CDKN2B-AS1: variants seen among roughly 807,000 people sequenced by gnomAD.
CDKN2B-AS1 encodes CDKN2B antisense RNA 1 (non-protein coding).
intron 4 of CDKN2B-AS1, among the ~76,000 whole-genome samples, chr9:22,104,533 C>G (rs1317946972): frequency 6.6e-6 from 1 of 152,114 alleles, no homozygotes; most frequent in African/African-American, 2.4e-5. Context: ...AGCATGCAGC[C>G]AGCCACTAAG....
intron 1 of CDKN2B-AS1, chr9:22,032,846 C>G (rs1337487527): frequency 6.6e-6 from 1 of 151,592 alleles, no homozygotes; most frequent in Non-Finnish European, 1.5e-5. Context: ...AACCCCTAGG[C>G]CACAGACTGT....
At chr9:22,083,947 T>C (rs1433077590) in intron 4 of CDKN2B-AS1, among the ~76,000 whole-genome samples, 2 of 152,216 alleles carry the variant, frequency 1.3e-5, no homozygotes, top group African/African-American at 4.8e-5. Context: ...CAGTTTTCCC[T>C]CAATAATTAA....
At chr9:22,054,276 A>G (rs781249765) in intron 3 of CDKN2B-AS1, among the ~76,000 whole-genome samples, 2 of 152,232 alleles carry the variant, frequency 1.3e-5, no homozygotes, top group Non-Finnish European at 2.9e-5. Context: ...GAATCTCTGC[A>G]GTTTGACGCC....
In CDKN2B-AS1 at chr9:22,094,605, C is replaced by T. The variant is rs1045634705; in HGVS notation, n.439-32498C>T. ...TACCCTTTCTTCCAGTTGATCGAAT[C>T]GGCTACTGAGGCTTGTGCATTCGTC... is the stretch of plus-strand genomic sequence containing the variant. On this transcript the variant is annotated intron_variant and non_coding_transcript_variant, in intron 4 of 4. Coordinates refer to ENST00000650946, the Ensembl canonical transcript of CDKN2B-AS1. Among the ~76,000 whole-genome samples, 7 of 144,474 alleles carry T rather than the reference C, an allele frequency of 4.8e-5. 1 individual carries two copies. Among genetic ancestry groups the T allele is most frequent in the African/African-American group, 8.6e-5 (3 of 34,702 alleles). The allele number at this position is 144,474 out of a possible 152,430, so 94.8% of individuals were successfully genotyped here. A position where few individuals can be genotyped will look rare whatever the true frequency, so the allele number is the denominator to read the frequency against.
In CDKN2B-AS1 at chr9:21,995,939, G is replaced by A. The variant is rs1385519601; in HGVS notation, n.29+778G>A. 6.5e-6 allele frequency: 1 copy of A among 152,732 alleles called. No individual in the cohort carries two copies. The highest frequency in any genetic ancestry group is 1.5e-5 in the Non-Finnish European group (1 of 68,446). 9.5% of individuals were successfully genotyped at this position (152,732 alleles called of 1,614,324 possible). On this transcript the variant is annotated intron_variant and non_coding_transcript_variant, in intron 1 of 4. Transcript: ENST00000650946. The surrounding 1 kb of genome is among the most constrained non-coding windows in gnomAD (Gnocchi z 5.7). ...CTGAGTGGGTGGGTGTGTGCCAGAG[G>A]ATTCGGGACTAGGCCCAGCTCCGGG...
At chr9:22,121,717 T>C (rs1291655619) in intron 4 of CDKN2B-AS1, among the ~76,000 whole-genome samples, 5 of 152,070 alleles carry the variant, frequency 3.3e-5, no homozygotes, top group Non-Finnish European at 7.4e-5. Flanking sequence ...AGAGCATCCA[T>C]CCAGGATTTT....
intron 4 of CDKN2B-AS1, among the ~76,000 whole-genome samples, chr9:22,088,253 G>A (rs1044905460): frequency 3.9e-5 from 6 of 152,136 alleles, no homozygotes; most frequent in South Asian, 2.1e-4. Flanking sequence ...ATGAAAGGTC[G>A]TAAGAAGCGA....
intron 1 of CDKN2B-AS1, among the ~76,000 whole-genome samples, chr9:22,034,806 G>T (rs1181624112): frequency 6.6e-6 from 1 of 152,052 alleles, no homozygotes; most frequent in Non-Finnish European, 1.5e-5. Flanking sequence ...CATGAATGAA[G>T]GAGTATCTAT....
chr9:22,021,973 A>G (rs1341289462), intron 1 of CDKN2B-AS1, among the ~76,000 whole-genome samples: 1 of 152,106 alleles, frequency 6.6e-6, no homozygotes, highest in Non-Finnish European at 1.5e-5. Context: ...TTTTGAGTGA[A>G]TTTCTTAGTA....
intron 4 of CDKN2B-AS1, among the ~76,000 whole-genome samples, chr9:22,123,021 C>A (rs560329655): frequency 1.3e-5 from 2 of 151,878 alleles, no homozygotes; most frequent in Non-Finnish European, 2.9e-5. Context: ...TGTCCTTTTC[C>A]ATTTCTTTCA....
chr9:22,029,692 A>G, intron 1 of CDKN2B-AS1: 1 of 451,676 alleles, frequency 2.2e-6, no homozygotes, highest in Non-Finnish European at 3.9e-6. Context: ...TTACATTATT[A>G]GAAAATATTT....
At chr9:22,055,402 C>A (rs1199988919) in intron 3 of CDKN2B-AS1, among the ~76,000 whole-genome samples, 1 of 152,036 alleles carries the variant, frequency 6.6e-6, no homozygotes, top group Non-Finnish European at 1.5e-5. Context: ...TTGTTTTATC[C>A]TTTGGGCTTT....
At chr9:22,020,494 G>A (rs490005) in intron 1 of CDKN2B-AS1, among the ~76,000 whole-genome samples, 62,561 of 151,992 alleles carry the variant, frequency 0.41, 13,717 homozygotes, top group Non-Finnish European at 0.5. Flanking sequence ...ACTCCCACCA[G>A]CAGAGTCTAA....
intron 4 of CDKN2B-AS1, among the ~76,000 whole-genome samples, chr9:22,094,764 T>C (rs1825217170): frequency 6.9e-6 from 1 of 144,050 alleles, no homozygotes; most frequent in Non-Finnish European, 1.5e-5. Flanking sequence ...TCGAACTTCC[T>C]CCTTTAGCTT....
chr9:22,084,971 C>T (rs1264428782), intron 4 of CDKN2B-AS1, among the ~76,000 whole-genome samples: 1 of 152,106 alleles, frequency 6.6e-6, no homozygotes, highest in Non-Finnish European at 1.5e-5. Flanking sequence ...AACACGAACA[C>T]CCAGACGACA....
chr9:22,101,824 G>T (rs373102261), intron 4 of CDKN2B-AS1, among the ~76,000 whole-genome samples: 5 of 152,156 alleles, frequency 3.3e-5, no homozygotes, highest in African/African-American at 1.2e-4. Context: ...ATTTATCTCT[G>T]ACTATACCAA....
upstream of CDKN2B-AS1, chr9:21,994,807 T>C (rs1820566316): frequency 1.2e-5 from 2 of 166,700 alleles, no homozygotes; most frequent in South Asian, 1.9e-4. Flanking sequence ...ATCCGTCACC[T>C]GACACGGCCC....
intron 1 of CDKN2B-AS1, among the ~76,000 whole-genome samples, chr9:22,020,461 C>T (rs1821968713): frequency 1.3e-5 from 2 of 152,186 alleles, no homozygotes; most frequent in Admixed American, 6.5e-5. Context: ...GCACAGTCCC[C>T]CACAATGGTT....
chr9:22,124,105 A>G (rs2131378585), intron 4 of CDKN2B-AS1, among the ~76,000 whole-genome samples: 1 of 152,324 alleles, frequency 6.6e-6, no homozygotes, highest in South Asian at 2.1e-4. Context: ...AACATATATT[A>G]CTCAAACAAT....
Sources: allele counts gnomAD v4.1 joint callset (sites outside exome capture counted in the v4.1 genomes callset), GRCh38; gene constraint gnomAD v4.1.1; non-coding constraint Gnocchi (gnomAD v3.1); transcripts MANE v1.5; gene names NCBI Gene and HGNC (gene_info 2026-07-23, HGNC 2026-07-21).